Variants in CSMD3 observed in about 807,000 individuals in gnomAD.
CSMD3 encodes CUB and Sushi multiple domains 3, also known as CUB and sushi domain-containing protein 3.
A neutral mutation model predicts 435.2 loss-of-function variants in CSMD3; 177 were observed. The observed-to-expected ratio is 0.41, with a 90% CI of 0.36 to 0.46. The LOEUF (loss-of-function observed/expected upper bound fraction) is 0.46, where lower values mean the gene tolerates loss of function less well. Among genes scored for constraint, CSMD3 ranks in the 20% least tolerant of loss-of-function variants. The probability of loss-of-function intolerance (pLI) is 0.34; values close to 1 mark genes in which losing one functional copy is unlikely to be tolerated. For synonymous variants in CSMD3, 1,656 were observed against 1,520.5 expected (o/e 1.09, Z -2.07); for missense variants, 4,265 against 4,504.6 (o/e 0.95, Z 1.52).
chr8:113,379,433 A>G (rs2094405399), intron 1 of CSMD3, among the ~76,000 whole-genome samples: 1 of 152,248 alleles, frequency 6.6e-6, no homozygotes, highest in South Asian at 2.1e-4. Flanking sequence ...TGTTCTAGGA[A>G]GAAGGCAATA....
intron 41 of CSMD3, among the ~76,000 whole-genome samples, chr8:112,343,815 T>G (rs948837022): frequency 3.9e-5 from 6 of 152,062 alleles, no homozygotes; most frequent in African/African-American, 1.4e-4. Flanking sequence ...TGTGGCTAGT[T>G]TTTTTTTATT....
chr8:113,384,328 A>T (rs1437456389), intron 1 of CSMD3, among the ~76,000 whole-genome samples: 1 of 152,334 alleles, frequency 6.6e-6, no homozygotes, highest in East Asian at 1.9e-4. Flanking sequence ...GTTTCCTCTA[A>T]GAGAAAGCAC....
intron 7 of CSMD3, among the ~76,000 whole-genome samples, chr8:112,969,482 T>C (rs1279817605): frequency 2.0e-5 from 3 of 152,012 alleles, no homozygotes; most frequent in Admixed American, 1.3e-4. Context: ...CATGTAACTT[T>C]ATTAACCAAA....
At chr8:112,370,097 T>C (rs1234798681) in intron 38 of CSMD3, among the ~76,000 whole-genome samples, 1 of 145,918 alleles carries the variant, frequency 6.9e-6, no homozygotes, top group East Asian at 2.0e-4. Flanking sequence ...GTAGTAGTAG[T>C]AGTAGTCAGG....
chr8:112,275,322 C>A (rs6992636), intron 59 of CSMD3, among the ~76,000 whole-genome samples: 1 of 152,152 alleles, frequency 6.6e-6, no homozygotes, highest in South Asian at 2.1e-4. Context: ...CCGAGGCAGA[C>A]GGATCACCTG....
chr8:112,690,181 C>CT (rs201248925), intron 13 of CSMD3, 131 bp from the exon 14 acceptor site: 18,198 of 495,608 alleles, frequency 0.037, no homozygotes, highest in East Asian at 0.046. Flanking sequence ...ATTCTCCAAT[C>CT]TTTTTTTTTT....
chr8:113,415,656 A>G (rs2094578805), intron 1 of CSMD3, among the ~76,000 whole-genome samples: 1 of 152,142 alleles, frequency 6.6e-6, no homozygotes, highest in Non-Finnish European at 1.5e-5. Context: ...TATATTAGAA[A>G]TATAACACAT....
intron 2 of CSMD3, among the ~76,000 whole-genome samples, chr8:113,294,403 C>T (rs2093705366): frequency 6.6e-6 from 1 of 151,880 alleles, no homozygotes; most frequent in South Asian, 2.1e-4. Context: ...TTATATTATT[C>T]CATTTTGAAA....
chr8:112,973,348 C>G (rs1465175245), intron 7 of CSMD3, among the ~76,000 whole-genome samples: 1 of 151,884 alleles, frequency 6.6e-6, no homozygotes, highest in Non-Finnish European at 1.5e-5. Context: ...ACTTAAAAGA[C>G]TCACTCTCTG....
intron 9 of CSMD3, among the ~76,000 whole-genome samples, chr8:112,926,710 A>G (rs2082922779): frequency 6.6e-6 from 1 of 152,130 alleles, no homozygotes; most frequent in Non-Finnish European, 1.5e-5. Context: ...TTTATTTACA[A>G]TCAAATAGAC....
intron 61 of CSMD3, among the ~76,000 whole-genome samples, chr8:112,258,053 G>T (rs563262958): frequency 6.6e-6 from 1 of 152,100 alleles, no homozygotes; most frequent in Non-Finnish European, 1.5e-5. Context: ...TTTAATAAAC[G>T]GTGTTGGGAA....
intron 12 of CSMD3, among the ~76,000 whole-genome samples, chr8:112,802,757 T>A (rs965953548): frequency 6.6e-6 from 1 of 151,886 alleles, no homozygotes; most frequent in Non-Finnish European, 1.5e-5. Flanking sequence ...ATTATAAAAG[T>A]TCTCCCTTCT....
chr8:112,968,279 T>C (rs928922743), intron 7 of CSMD3, among the ~76,000 whole-genome samples: 2 of 151,878 alleles, frequency 1.3e-5, no homozygotes, highest in Non-Finnish European at 2.9e-5. Context: ...GGTAAATACA[T>C]TAATTAATAT....
At chr8:113,148,733 A>G (rs1367316866) in intron 4 of CSMD3, among the ~76,000 whole-genome samples, 1 of 151,758 alleles carries the variant, frequency 6.6e-6, no homozygotes, top group Non-Finnish European at 1.5e-5. Context: ...CACCTGTAAA[A>G]CAAAACAAAC....
intron 2 of CSMD3, among the ~76,000 whole-genome samples, chr8:113,306,164 T>C (rs558215556): frequency 2.6e-5 from 4 of 152,284 alleles, no homozygotes; most frequent in African/African-American, 7.2e-5. Flanking sequence ...ACTATTATTA[T>C]AGTTGTTAAT....
chr8:113,222,602 G>T (rs1265906320), intron 3 of CSMD3, among the ~76,000 whole-genome samples: 1 of 150,976 alleles, frequency 6.6e-6, no homozygotes, highest in Non-Finnish European at 1.5e-5. Flanking sequence ...ATTGTACATG[G>T]TTATCTTATA....
intron 20 of CSMD3, among the ~76,000 whole-genome samples, chr8:112,644,064 A>C (rs181734664): frequency 1.4e-3 from 217 of 151,772 alleles, no homozygotes; most frequent in African/African-American, 5.1e-3. Context: ...AATATAATAC[A>C]TCAACAGAGC....
chr8:113,251,902 A>G (rs2093338195), intron 3 of CSMD3, among the ~76,000 whole-genome samples: 1 of 152,104 alleles, frequency 6.6e-6, no homozygotes, highest in African/African-American at 2.4e-5. Flanking sequence ...AATCCCATGA[A>G]TTTTAAAAGT....
chr8:112,470,901 A>C (rs1276513611), intron 32 of CSMD3, among the ~76,000 whole-genome samples: 2 of 146,972 alleles, frequency 1.4e-5, no homozygotes, highest in African/African-American at 2.7e-5. Context: ...CACAAAAAAA[A>C]CAAGAAGATT....
Sources: gnomAD v4.1 joint callset for allele counts (sites outside exome capture counted in the v4.1 genomes callset) on GRCh38, gnomAD v4.1.1 for gene constraint, MANE v1.5 for transcripts, NCBI Gene and HGNC (gene_info 2026-07-23, HGNC 2026-07-21) for gene names.